The following CTNNA2 variants were observed in gnomAD, a reference collection of about 807,000 sequenced individuals.
The protein encoded by CTNNA2 is catenin alpha 2, also known as catenin alpha-2.
Under a neutral mutation model 101.0 loss-of-function variants are expected in CTNNA2, and 42 were observed. The ratio of observed to expected loss-of-function variants is 0.42; its 90% CI spans 0.32 to 0.54. The LOEUF is 0.54. Ranked by LOEUF, CTNNA2 falls within the 20% of genes least tolerant of loss-of-function variation. CTNNA2 has a pLI of 0.14. For synonymous variants in CTNNA2, 450 were observed against 456.4 expected, an observed-to-expected ratio of 0.99 and a Z score of 0.18; for missense variants, 871 against 1,223.1, an observed-to-expected ratio of 0.71 and a Z score of 4.29.
At chr2:80,307,267 G>A (rs1480886781) in intron 7 of CTNNA2, among the ~76,000 whole-genome samples, 3 of 151,872 alleles carry the variant, frequency 2.0e-5, no homozygotes, top group Non-Finnish European at 4.4e-5. Context: ...CATCTAAGTT[G>A]CAGAATCCCA....
At chr2:79,321,766 C>T (rs564973528) in intron 3 of CTNNA2, among the ~76,000 whole-genome samples, 1 of 152,122 alleles carries the variant, frequency 6.6e-6, no homozygotes, top group South Asian at 2.1e-4. Flanking sequence ...GAGTCAACCT[C>T]ACCTAGTTCC....
At chr2:80,043,868 C>T (rs1696345603) in intron 7 of CTNNA2, among the ~76,000 whole-genome samples, 1 of 152,112 alleles carries the variant, frequency 6.6e-6, no homozygotes, top group Non-Finnish European at 1.5e-5. Flanking sequence ...TTATTAAGTG[C>T]TGGGAAGAAT....
chr2:79,253,155 G>A (rs1018860362), intron 2 of CTNNA2, among the ~76,000 whole-genome samples: 1 of 152,118 alleles, frequency 6.6e-6, no homozygotes, highest in Non-Finnish European at 1.5e-5. Flanking sequence ...GAATTGTAAG[G>A]TTCCTCATAG....
intron 1 of CTNNA2, among the ~76,000 whole-genome samples, chr2:79,554,862 C>T (rs1674345935): frequency 6.6e-6 from 1 of 152,094 alleles, no homozygotes; most frequent in Non-Finnish European, 1.5e-5. Flanking sequence ...TTTACCCTGT[C>T]CTATCCAAGA....
chr2:79,541,386 A>G (rs1197250103), intron 1 of CTNNA2, among the ~76,000 whole-genome samples: 5 of 147,104 alleles, frequency 3.4e-5, no homozygotes, highest in African/African-American at 1.3e-4. Context: ...ATACATACAT[A>G]TACTTGTATA....
At chr2:79,992,403 G>A (rs1692246028) in intron 7 of CTNNA2, among the ~76,000 whole-genome samples, 1 of 152,198 alleles carries the variant, frequency 6.6e-6, no homozygotes, top group Admixed American at 6.5e-5. Context: ...GAACCAAAAT[G>A]TGTGAGGAAT....
chr2:80,363,264 A>T (rs1247504011), intron 7 of CTNNA2, among the ~76,000 whole-genome samples: 2 of 151,824 alleles, frequency 1.3e-5, no homozygotes, highest in African/African-American at 4.8e-5. Flanking sequence ...AAAAAAAATG[A>T]TGCCATTGCT....
At chr2:79,425,212 C>T (rs1678580752) in intron 4 of CTNNA2, among the ~76,000 whole-genome samples, 3 of 152,064 alleles carry the variant, frequency 2.0e-5, no homozygotes, top group African/African-American at 7.2e-5. Context: ...GGATGATTAG[C>T]AGTGGATGAT....
At chr2:80,046,259 T>C (rs535506097) in intron 7 of CTNNA2, among the ~76,000 whole-genome samples, 24 of 152,306 alleles carry the variant, frequency 1.6e-4, no homozygotes, top group Non-Finnish European at 2.5e-4. Context: ...TGCCATCAAT[T>C]GTTTCTGGAA....
At chr2:79,228,076 AT>A (rs1326254771) in intron 2 of CTNNA2, among the ~76,000 whole-genome samples, 6 of 152,238 alleles carry the variant, frequency 3.9e-5, no homozygotes, top group African/African-American at 1.4e-4. Flanking sequence ...TGCAAAGGGC[AT>A]GATTTTGTTC....
At chr2:79,720,725 T>C (rs1686424807) in intron 2 of CTNNA2, among the ~76,000 whole-genome samples, 1 of 152,140 alleles carries the variant, frequency 6.6e-6, no homozygotes, top group Non-Finnish European at 1.5e-5. Flanking sequence ...ACTTTTTTTG[T>C]ACATATCCAG....
Position 80,647,775 on chromosome 2 carries a change from C to T in CTNNA2, c.2765C>T (p.Pro922Leu), listed in dbSNP as rs1674264303. Reference protein sequence around the residue: ...EKKPLVKREKPEEFQTRVRRG... With the variant: ...EKKPLVKREKLEEFQTRVRRG... ...AAGCCCCTTGTGAAGAGAGAAAAGC[C>T]TGAAGAATTCCAGACACGAGTTCGA... Residue 922 changes from proline (P) to leucine (L), a missense_variant, in exon 19 of 19, where the codon CCT (proline) becomes CTT (leucine). Physicochemically the swap from Pro to Leu is moderately conservative, Grantham distance 98 (BLOSUM62 -3). Coordinates refer to ENST00000402739, the MANE Select transcript of CTNNA2 (RefSeq NM_001282597.3). 6.2e-7 allele frequency: 1 copy of T among 1,613,626 alleles called. No homozygotes were observed. The highest frequency in any genetic ancestry group is 8.5e-7 in the Non-Finnish European group (1 of 1,179,614).
intron 2 of CTNNA2, among the ~76,000 whole-genome samples, chr2:79,685,959 G>T (rs1403729931): frequency 2.6e-5 from 4 of 152,116 alleles, no homozygotes; most frequent in African/African-American, 9.6e-5. Context: ...ACATGTGAGG[G>T]GCACCTAACC....
chr2:80,362,426 C>A, intron 7 of CTNNA2, among the ~76,000 whole-genome samples: 1 of 152,124 alleles, frequency 6.6e-6, no homozygotes, highest in East Asian at 1.9e-4. Flanking sequence ...CTTACCCTTA[C>A]ACATCTTAGG....
chr2:79,441,341 T>G (rs1385505587), intron 4 of CTNNA2, among the ~76,000 whole-genome samples: 1 of 152,154 alleles, frequency 6.6e-6, no homozygotes, highest in Non-Finnish European at 1.5e-5. Flanking sequence ...ACATTTCAAT[T>G]ATTGTATTTT....
intron 9 of CTNNA2, among the ~76,000 whole-genome samples, chr2:80,543,490 C>T (rs1322787035): frequency 6.6e-6 from 1 of 152,160 alleles, no homozygotes. Flanking sequence ...TACATTTTCT[C>T]ACTGAAATAG....
chr2:80,184,912 T>C lies in CTNNA2; in HGVS notation c.1057-208299T>C, dbSNP rs544115743. ...GCAAGAAACATCCTATGCTTAAACA[T>C]CCTATCAGCACATCCTAAAGTCAGT... On this transcript the variant is annotated intron_variant, in intron 7 of 18. Transcript: ENST00000402739. 4.8e-4 allele frequency among the ~76,000 whole-genome samples: 73 copies of C among 152,326 alleles called. 1 individual carries two copies. The highest frequency in any genetic ancestry group is 1.4e-3 in the African/African-American group (60 of 41,568).
At chr2:79,582,308 G>A (rs1549762) in intron 1 of CTNNA2, among the ~76,000 whole-genome samples, 86,221 of 152,092 alleles carry the variant, frequency 0.57, 25,490 homozygotes, top group South Asian at 0.67. Flanking sequence ...TTTTAAATGT[G>A]TTCAAACGTA....
chr2:79,460,970 T>C (rs1670871518), intron 4 of CTNNA2, among the ~76,000 whole-genome samples: 2 of 152,198 alleles, frequency 1.3e-5, no homozygotes, highest in Admixed American at 6.5e-5. Context: ...GCCTCCCAAG[T>C]AGCTGGGATT....
Sources: allele counts gnomAD v4.1 joint callset (sites outside exome capture counted in the v4.1 genomes callset), GRCh38; gene constraint gnomAD v4.1.1; transcripts MANE v1.5; gene names NCBI Gene and HGNC (gene_info 2026-07-23, HGNC 2026-07-21).